Variants in DTNA observed in about 807,000 individuals in gnomAD.
DTNA encodes the protein dystrophin-related protein 3.
Under a neutral mutation model 100.7 loss-of-function variants are expected in DTNA, and 43 were observed. The ratio of observed to expected loss-of-function variants is 0.43; its 90% CI spans 0.33 to 0.55. The LOEUF (loss-of-function observed/expected upper bound fraction) is 0.55. Ranked by LOEUF, DTNA falls within the 20% of genes least tolerant of loss-of-function variation. DTNA has a pLI of 0.04. For synonymous variants in DTNA, 349 were observed against 347.9 expected (o/e 1.00, Z -0.04); for missense variants, 798 against 953.9 (o/e 0.84, Z 2.15).
At chr18:34,676,737 A>G (rs933413392) in intron 1 of DTNA, among the ~76,000 whole-genome samples, 2 of 152,184 alleles carry the variant, frequency 1.3e-5, no homozygotes, top group African/African-American at 2.4e-5. Context: ...CAGGAGGTTG[A>G]GATGGGAAGA....
intron 1 of DTNA, among the ~76,000 whole-genome samples, chr18:34,592,034 C>T (rs1031197595): frequency 6.6e-6 from 1 of 152,058 alleles, no homozygotes; most frequent in Non-Finnish European, 1.5e-5. Flanking sequence ...TACGTTTTGC[C>T]GTTGAATATT....
intron 1 of DTNA, among the ~76,000 whole-genome samples, chr18:34,524,309 G>A (rs2042409656): frequency 6.6e-6 from 1 of 152,120 alleles, no homozygotes; most frequent in Non-Finnish European, 1.5e-5. Flanking sequence ...CTTCGCATGT[G>A]ATTATTTTCC....
chr18:34,670,337 AG>A (rs1425682970), intron 1 of DTNA, among the ~76,000 whole-genome samples: 1 of 152,074 alleles, frequency 6.6e-6, no homozygotes, highest in Non-Finnish European at 1.5e-5. Flanking sequence ...TCTTTTTTCA[AG>A]GTTTTTAACT....
chr18:34,534,184 T>A (rs1018958040), intron 1 of DTNA, among the ~76,000 whole-genome samples: 1 of 151,662 alleles, frequency 6.6e-6, no homozygotes, highest in Non-Finnish European at 1.5e-5. Context: ...CATCTCTAAT[T>A]TAAAAAATAC....
At chr18:34,781,502 T>C (rs1226912754) in intron 3 of DTNA, among the ~76,000 whole-genome samples, 3 of 152,118 alleles carry the variant, frequency 2.0e-5, no homozygotes, top group Admixed American at 6.6e-5. Context: ...CCTTAAAAGT[T>C]TTTTTTAACA....
intron 1 of DTNA, among the ~76,000 whole-genome samples, chr18:34,552,401 A>C (rs2045529002): frequency 6.6e-6 from 1 of 151,574 alleles, no homozygotes; most frequent in South Asian, 2.1e-4. Flanking sequence ...ATTATACTTT[A>C]AGTTTTAGGG....
At chr18:34,721,345 G>A (rs912195202) in intron 1 of DTNA, among the ~76,000 whole-genome samples, 4 of 152,126 alleles carry the variant, frequency 2.6e-5, no homozygotes, top group African/African-American at 4.8e-5. Flanking sequence ...GGTAGTTTAT[G>A]TACACAGTAG....
intron 1 of DTNA, among the ~76,000 whole-genome samples, chr18:34,560,790 G>T (rs1016249466): frequency 6.6e-6 from 1 of 151,984 alleles, no homozygotes; most frequent in South Asian, 2.1e-4. Context: ...GCATAGTGGC[G>T]TGTGCCTATT....
At chr18:34,732,241 C>A (rs984442808) in intron 1 of DTNA, among the ~76,000 whole-genome samples, 8 of 152,136 alleles carry the variant, frequency 5.3e-5, no homozygotes, top group Non-Finnish European at 1.0e-4. Context: ...TGTTTTTCAG[C>A]TAACTTGTTG....
chr18:34,596,551 T>G (rs1467314995), intron 1 of DTNA, among the ~76,000 whole-genome samples: 1 of 152,172 alleles, frequency 6.6e-6, no homozygotes, highest in African/African-American at 2.4e-5. Flanking sequence ...AATATCTTTA[T>G]TACATCAGGT....
At position 34,635,521 on chromosome 18, in the gene DTNA, T is replaced by TA. The variant is rs543512814; in HGVS notation, c.-1-120454dup. Among the ~76,000 whole-genome samples the TA allele has an allele frequency of 3.9e-5, 6 of 152,302 alleles. No homozygotes were observed. In the South Asian group the frequency reaches 1.2e-3, roughly 32 times the overall value. On this transcript the variant is annotated intron_variant, in intron 1 of 19. Coordinates refer to the DTNA transcript ENST00000283365. ...AGTTGCAGTGTAGAATCTTAAATCA[T>TA]ATTAATAAACTTTGCATAATTTATT... is the stretch of plus-strand genomic sequence containing the variant.
chr18:34,618,173 G>A (rs529736415), intron 1 of DTNA, among the ~76,000 whole-genome samples: 6 of 152,222 alleles, frequency 3.9e-5, no homozygotes, highest in Admixed American at 2.0e-4. Flanking sequence ...CAAGGGTCAA[G>A]AGTCGAACTC....
At chr18:34,849,448 T>C (rs1568763948) in intron 14 of DTNA, among the ~76,000 whole-genome samples, 1 of 152,212 alleles carries the variant, frequency 6.6e-6, no homozygotes, top group South Asian at 2.1e-4. Context: ...CAGCTCTCCA[T>C]GACCTCATGC....
intron 1 of DTNA, among the ~76,000 whole-genome samples, chr18:34,556,307 G>T (rs908180269): frequency 6.6e-6 from 1 of 152,100 alleles, no homozygotes; most frequent in East Asian, 1.9e-4. Context: ...ACACTGATGG[G>T]TCTTGACTCT....
intron 1 of DTNA, among the ~76,000 whole-genome samples, chr18:34,567,750 G>A (rs1358659788): frequency 2.0e-5 from 3 of 152,056 alleles, no homozygotes; most frequent in Non-Finnish European, 4.4e-5. Context: ...CAAGACTTCA[G>A]CACATCTTAG....
intron 1 of DTNA, among the ~76,000 whole-genome samples, chr18:34,512,708 T>C (rs767350632): frequency 6.6e-6 from 1 of 152,056 alleles, no homozygotes; most frequent in African/African-American, 2.4e-5. Context: ...TTGCTGAGCA[T>C]AGAAAACTTT....
chr18:34,747,346 A>T (rs986033543), intron 1 of DTNA, among the ~76,000 whole-genome samples: 2 of 151,708 alleles, frequency 1.3e-5, no homozygotes, highest in African/African-American at 4.8e-5. Flanking sequence ...ATTTTTTTTT[A>T]ATTTTTTATT....
At chr18:34,611,441 T>C (rs1364230841) in intron 1 of DTNA, among the ~76,000 whole-genome samples, 1 of 152,340 alleles carries the variant, frequency 6.6e-6, no homozygotes, top group East Asian at 1.9e-4. Context: ...TTTATTCATA[T>C]GAACTCATTT....
chr18:34,889,986 G>A lies in DTNA; in HGVS notation c.*2252G>A. The A allele has an allele frequency of 6.9e-6, 8 of 1,154,676 alleles. No homozygotes were observed. The highest frequency in any genetic ancestry group is 8.6e-6 in the Non-Finnish European group (8 of 935,096). The allele number at this position is 1,154,676 out of a possible 1,614,324, so 71.5% of individuals were successfully genotyped here. ...CAGTATTGAAAACCACTACATCCCA[G>A]CTACCTATAATGCTGTCAGCTCAAA... On this transcript the variant is annotated 3_prime_UTR_variant, in exon 23 of 23. Coordinates refer to ENST00000444659, the MANE Select transcript of DTNA (RefSeq NM_001386795.1).
Sources: gnomAD v4.1 joint callset for allele counts (sites outside exome capture counted in the v4.1 genomes callset) on GRCh38, gnomAD v4.1.1 for gene constraint, MANE v1.5 for transcripts, NCBI Gene and HGNC (gene_info 2026-07-23, HGNC 2026-07-21) for gene names.